The following DCDC2 variants were observed in gnomAD, a reference collection of about 807,000 sequenced individuals.
DCDC2 encodes the protein doublecortin domain-containing protein 2.
DCDC2 carries 40 observed loss-of-function variants against 50.2 expected under a neutral mutation model. The ratio of observed to expected loss-of-function variants is 0.80; its 90% CI spans 0.62 to 1.04. The LOEUF (loss-of-function observed/expected upper bound fraction) is 1.04, where lower values mean the gene tolerates loss of function less well. DCDC2 is among the 50% of genes least tolerant of loss of function. DCDC2 has a pLI of 0.00. For synonymous variants in DCDC2, 234 were observed against 210.6 expected (o/e 1.11, Z -0.96); for missense variants, 570 against 581.9 (o/e 0.98, Z 0.21).
In DCDC2 at chr6:24,333,496, C is replaced by G. The variant is rs570263089; in HGVS notation, c.348+20073G>C. 2.6e-5 allele frequency among the ~76,000 whole-genome samples: 4 copies of G among 152,254 alleles called. No individual in the cohort carries two copies. The South Asian group carries it at 6.2e-4, about 24-fold the overall frequency. On this transcript the variant is annotated intron_variant, in intron 2 of 9. Transcript: ENST00000378454. ...AAAATCACAATTTCACAAAACAGTACTTATCTTTGCTATCTCTAGTGCAGC... is the reference window on the plus strand; with the variant it reads ...AAAATCACAATTTCACAAAACAGTAGTTATCTTTGCTATCTCTAGTGCAGC...
intron 7 of DCDC2, among the ~76,000 whole-genome samples, chr6:24,242,790 C>A (rs1762591649): frequency 6.6e-6 from 1 of 152,046 alleles, no homozygotes; most frequent in African/African-American, 2.4e-5. Context: ...AACAAAACCC[C>A]ATCTCTACTA....
upstream of DCDC2, among the ~76,000 whole-genome samples, chr6:24,359,531 A>ATT (rs1217390185): frequency 2.0e-5 from 2 of 100,552 alleles, no homozygotes; most frequent in African/African-American, 8.3e-5. Context: ...TTTTATATAT[A>ATT]TTTTTTATAT....
chr6:24,346,564 T>C (rs958172802), intron 2 of DCDC2, among the ~76,000 whole-genome samples: 5 of 152,154 alleles, frequency 3.3e-5, no homozygotes, highest in Non-Finnish European at 7.4e-5. Flanking sequence ...GAGACCAGCC[T>C]AGCCAACATG....
At chr6:24,326,894 A>C (rs1337088226) in intron 2 of DCDC2, among the ~76,000 whole-genome samples, 4 of 148,862 alleles carry the variant, frequency 2.7e-5, no homozygotes, top group African/African-American at 9.7e-5. Context: ...ATGTTCATTT[A>C]CATCCTCATT....
chr6:24,188,153 G>A (rs920391509), intron 8 of DCDC2, among the ~76,000 whole-genome samples: 1 of 152,208 alleles, frequency 6.6e-6, no homozygotes, highest in Admixed American at 6.5e-5. Context: ...TGAGTCATGA[G>A]TTCAGAGCCT....
intron 2 of DCDC2, among the ~76,000 whole-genome samples, chr6:24,320,642 T>G (rs1759758014): frequency 6.6e-6 from 1 of 152,146 alleles, no homozygotes; most frequent in Non-Finnish European, 1.5e-5. Context: ...ACAAACTCAG[T>G]GTTTAAAATA....
the DCDC2 span, among the ~76,000 whole-genome samples, chr6:24,374,577 CAAAAA>C: frequency 0.017 from 964 of 57,472 alleles, 8 homozygotes; most frequent in South Asian, 0.038. Context: ...AGACTCCATC[CAAAAA>C]AAAAAAAAAA....
In DCDC2 at chr6:24,357,894, A is replaced by G; in HGVS notation, c.-144T>C. ...CGAATCCACAGGTGAAAGAGAAGTA[A>G]CGGCCGTGCGCCTAGGCGTCCACCC... On this transcript the variant is annotated 5_prime_UTR_variant, in exon 1 of 10. Transcript: ENST00000378454. 6.5e-7 allele frequency: 1 copy of G among 1,547,614 alleles called. No homozygotes were observed. Among genetic ancestry groups the G allele is most frequent in the Non-Finnish European group, 8.7e-7 (1 of 1,146,638 alleles).
intron 2 of DCDC2, among the ~76,000 whole-genome samples, chr6:24,337,661 G>A (rs1056604318): frequency 6.6e-6 from 1 of 151,972 alleles, no homozygotes; most frequent in African/African-American, 2.4e-5. Flanking sequence ...AGCTGGGTGT[G>A]GTGATGCGTG....
intron 2 of DCDC2, among the ~76,000 whole-genome samples, chr6:24,345,415 G>C (rs574410230): frequency 6.6e-6 from 1 of 152,020 alleles, no homozygotes; most frequent in African/African-American, 2.4e-5. Flanking sequence ...AGTACAACCC[G>C]GGTTCCCACA....
chr6:24,324,239 G>A (rs573246244), intron 2 of DCDC2, among the ~76,000 whole-genome samples: 31 of 152,142 alleles, frequency 2.0e-4, no homozygotes, highest in East Asian at 3.9e-4. Flanking sequence ...TAAGAAGCTC[G>A]CAAAAAGTAA....
chr6:24,220,885 A>AGC (rs1561895533), intron 7 of DCDC2, among the ~76,000 whole-genome samples: 15 of 118,872 alleles, frequency 1.3e-4, no homozygotes, highest in South Asian at 2.9e-4. Flanking sequence ...AGCGAGAGCG[A>AGC]GAGAGTGAGC....
At chr6:24,359,542 ATTTTATATATATTATATAT>A (rs1296945719), upstream of DCDC2, among the ~76,000 whole-genome samples, 3 of 108,740 alleles carry the variant, frequency 2.8e-5, no homozygotes, top group Non-Finnish European at 5.2e-5. Flanking sequence ...TTTTTTATAT[ATTTTATATATATTATATAT>A]TTTTATATAT....
At chr6:24,203,365 G>T (rs1696180680) in intron 8 of DCDC2, among the ~76,000 whole-genome samples, 1 of 152,142 alleles carries the variant, frequency 6.6e-6, no homozygotes, top group East Asian at 1.9e-4. Context: ...TGACAAACCT[G>T]ACAAAAACAA....
chr6:24,174,625 G>T lies in DCDC2; in HGVS notation c.*105C>A. On this transcript the variant is annotated 3_prime_UTR_variant, in exon 10 of 10. Coordinates refer to ENST00000378454, the MANE Select transcript of DCDC2 (RefSeq NM_016356.5). ...ATGTTATAATTCGTAGGTAGTATTC[G>T]ACCATAGTGTCACATTATATTCAGC... 1.4e-6 allele frequency: 1 copy of T among 718,096 alleles called. No homozygotes were observed. The highest frequency in any genetic ancestry group is 2.3e-6 in the Non-Finnish European group (1 of 437,782). The allele number at this position is 718,096 out of a possible 1,614,324, so 44.5% of individuals were successfully genotyped here.
chr6:24,287,890 T>C (rs1763646777), intron 6 of DCDC2, among the ~76,000 whole-genome samples: 2 of 152,232 alleles, frequency 1.3e-5, no homozygotes, highest in Non-Finnish European at 2.9e-5. Flanking sequence ...TGTAAGTTGC[T>C]TGAGGGCAAG....
At chr6:24,271,616 C>G (rs1053155648) in intron 7 of DCDC2, among the ~76,000 whole-genome samples, 9 of 152,160 alleles carry the variant, frequency 5.9e-5, no homozygotes, top group African/African-American at 2.2e-4. Context: ...AGTAATTCAA[C>G]AGAGGGCAGT....
At chr6:24,299,140 T>C (rs1259498866) in intron 4 of DCDC2, among the ~76,000 whole-genome samples, 1 of 152,196 alleles carries the variant, frequency 6.6e-6, no homozygotes, top group Non-Finnish European at 1.5e-5. Context: ...ATATACACCA[T>C]GGAATACTAC....
chr6:24,379,352 C>A, the DCDC2 span, among the ~76,000 whole-genome samples: 2 of 124,112 alleles, frequency 1.6e-5, no homozygotes, highest in African/African-American at 5.1e-5. Context: ...AGAAAAAAAA[C>A]AAACAACCCC....
Sources: allele counts gnomAD v4.1 joint callset (sites outside exome capture counted in the v4.1 genomes callset), GRCh38; gene constraint gnomAD v4.1.1; transcripts MANE v1.5; gene names NCBI Gene and HGNC (gene_info 2026-07-23, HGNC 2026-07-21).